SSPN: variants seen among roughly 807,000 people sequenced by gnomAD.
SSPN encodes the protein K-ras oncogene-associated protein.
A neutral mutation model predicts 19.1 loss-of-function variants in SSPN; 15 were observed. The ratio of observed to expected loss-of-function variants is 0.78; its 90% CI spans 0.52 to 1.21. SSPN has a LOEUF of 1.21. Ranked by LOEUF, SSPN falls within the 50% of genes most tolerant of loss-of-function variation. The pLI, the probability that SSPN is intolerant of heterozygous loss-of-function variation, is 0.00. For missense variants in SSPN, 291 were observed against 314.0 expected, an observed-to-expected ratio of 0.93 and a Z score of 0.55; for synonymous variants, 147 against 140.3, an observed-to-expected ratio of 1.05 and a Z score of -0.34.
chr12:26,171,086 T>C (rs1944651026), intron 1 of SSPN, among the ~76,000 whole-genome samples: 1 of 152,222 alleles, frequency 6.6e-6, no homozygotes, highest in African/African-American at 2.4e-5. Flanking sequence ...CAGGGTTCTT[T>C]GCCTCCCTCT....
intron 1 of SSPN, among the ~76,000 whole-genome samples, chr12:26,206,805 T>C (rs981363116): frequency 2.0e-5 from 3 of 152,260 alleles, no homozygotes; most frequent in African/African-American, 7.2e-5. Flanking sequence ...TTACATTCTT[T>C]GGAAATTGAT....
At chr12:26,176,321 TA>T (rs1284343627) in intron 1 of SSPN, among the ~76,000 whole-genome samples, 1 of 152,224 alleles carries the variant, frequency 6.6e-6, no homozygotes, top group Non-Finnish European at 1.5e-5. Flanking sequence ...CAGATTGCCA[TA>T]GAATATTTGA....
At chr12:26,157,616 G>C (rs1045298877) in intron 1 of SSPN, among the ~76,000 whole-genome samples, 2 of 151,836 alleles carry the variant, frequency 1.3e-5, no homozygotes, top group Non-Finnish European at 2.9e-5. Context: ...CCAGACTTTT[G>C]CGCTAGGCTG....
intron 1 of SSPN, among the ~76,000 whole-genome samples, chr12:26,148,170 G>A (rs1363564102): frequency 2.0e-5 from 3 of 152,184 alleles, no homozygotes; most frequent in African/African-American, 4.8e-5. Flanking sequence ...TATCTGCACA[G>A]GCCCTGCTGT....
At position 26,154,129 on chromosome 12, in the gene SSPN, G is replaced by A. The variant is rs531343222; in HGVS notation, c.-31+31977G>A. Among the ~76,000 whole-genome samples, 17 of 152,284 alleles carry A rather than the reference G, an allele frequency of 1.1e-4. 1 individual carries two copies. The South Asian group carries it at 2.9e-3, about 26-fold the overall frequency. On this transcript the variant is annotated intron_variant, in intron 1 of 2. Transcript: ENST00000538142. ...TCTTGGGCATATTTCTCTTGAACCC[G>A]AGCAGTTGCTCAAAAAGGTACTATG...
At chr12:26,172,126 G>T (rs1944656864) in intron 1 of SSPN, among the ~76,000 whole-genome samples, 1 of 152,024 alleles carries the variant, frequency 6.6e-6, no homozygotes, top group Non-Finnish European at 1.5e-5. Flanking sequence ...TGCTCAGGCT[G>T]GTATTGAACT....
chr12:26,186,971 G>C (rs961324111), intron 1 of SSPN, among the ~76,000 whole-genome samples: 1 of 152,034 alleles, frequency 6.6e-6, no homozygotes, highest in African/African-American at 2.4e-5. Flanking sequence ...GGTTCTTTTA[G>C]CCTCTGTTTC....
At chr12:26,203,671 A>G (rs1008784312) in intron 1 of SSPN, among the ~76,000 whole-genome samples, 1 of 152,190 alleles carries the variant, frequency 6.6e-6, no homozygotes, top group Non-Finnish European at 1.5e-5. Flanking sequence ...GGCATTAACT[A>G]AAATACATTT....
intron 1 of SSPN, among the ~76,000 whole-genome samples, chr12:26,142,165 A>T (rs1337431730): frequency 6.6e-6 from 1 of 152,250 alleles, no homozygotes; most frequent in Non-Finnish European, 1.5e-5. Context: ...GGGACTTTGT[A>T]TGACTTACCA....
At chr12:26,143,297 T>A (rs746793057) in intron 1 of SSPN, among the ~76,000 whole-genome samples, 90 of 152,236 alleles carry the variant, frequency 5.9e-4, no homozygotes, top group Non-Finnish European at 1.1e-3. Flanking sequence ...TCCTGTGTAA[T>A]CATAATAGAG....
intron 1 of SSPN, chr12:26,214,581 A>G (rs1368292982): frequency 4.6e-5 from 7 of 152,212 alleles, no homozygotes; most frequent in Non-Finnish European, 7.4e-5. Context: ...TTTAATGCCC[A>G]TGTTCTTACC....
chr12:26,203,535 T>C (rs1297275677), intron 1 of SSPN, among the ~76,000 whole-genome samples: 1 of 152,242 alleles, frequency 6.6e-6, no homozygotes, highest in Non-Finnish European at 1.5e-5. Context: ...ATGCTTTGGA[T>C]GCAGTCTCAG....
chr12:26,176,270 G>A (rs10842687), intron 1 of SSPN, among the ~76,000 whole-genome samples: 1 of 152,270 alleles, frequency 6.6e-6, no homozygotes, highest in African/African-American at 2.4e-5. Context: ...ATTCAGCCAC[G>A]CTATCTTTCA....
At chr12:26,224,222 A>G (rs2137510504) in intron 1 of SSPN, 71 bp from the exon 2 acceptor site, 1 of 1,038,124 alleles carries the variant, frequency 9.6e-7, no homozygotes, top group Non-Finnish European at 1.5e-6. Context: ...GCAGGAAGAT[A>G]CTGAGACTGA....
At chr12:26,193,776 T>C (rs1249552772), upstream of SSPN, among the ~76,000 whole-genome samples, 1 of 152,204 alleles carries the variant, frequency 6.6e-6, no homozygotes, top group Non-Finnish European at 1.5e-5. Context: ...GGAACTGGGA[T>C]GTGTGGTTTA....
chr12:26,188,416 T>C (rs1172154181), intron 1 of SSPN, among the ~76,000 whole-genome samples: 3 of 152,202 alleles, frequency 2.0e-5, no homozygotes, highest in African/African-American at 7.2e-5. Context: ...AAGATGTCAG[T>C]CTGGCTTGCA....
At chr12:26,137,656 ATTTTTTTTTTT>A (rs10597345) in intron 1 of SSPN, among the ~76,000 whole-genome samples, 10 of 76,428 alleles carry the variant, frequency 1.3e-4, no homozygotes, top group African/African-American at 4.6e-4. Context: ...ATATATATAT[ATTTTTTTTTTT>A]TTTTTTTTTT....
intron 1 of SSPN, among the ~76,000 whole-genome samples, chr12:26,145,007 T>C (rs1298660844): frequency 2.0e-5 from 3 of 152,212 alleles, no homozygotes; most frequent in Non-Finnish European, 2.9e-5. Context: ...CATTGTTATA[T>C]TACGACTTCA....
intron 1 of SSPN, among the ~76,000 whole-genome samples, chr12:26,218,145 T>C (rs900279852): frequency 4.7e-5 from 7 of 148,116 alleles, no homozygotes; most frequent in Non-Finnish European, 7.4e-5. Context: ...CCATTAAAAA[T>C]GATGAGTTCA....
Sources: gnomAD v4.1 joint callset for allele counts (sites outside exome capture counted in the v4.1 genomes callset) on GRCh38, gnomAD v4.1.1 for gene constraint, MANE v1.5 for transcripts, NCBI Gene and HGNC (gene_info 2026-07-23, HGNC 2026-07-21) for gene names.